The following CALCRL variants were observed in gnomAD, a reference collection of about 807,000 sequenced individuals.
The protein encoded by CALCRL is calcitonin receptor like receptor, also known as calcitonin gene-related peptide type 1 receptor.
In CALCRL, 27 loss-of-function variants were observed where a neutral mutation model predicts 60.4. That is an observed-to-expected ratio of 0.45 (90% confidence interval 0.33 to 0.62). CALCRL has a LOEUF of 0.62. Among genes scored for constraint, CALCRL ranks in the 20% least tolerant of loss-of-function variants. CALCRL has a pLI of 0.03. For missense variants in CALCRL, 424 were observed against 540.7 expected (o/e 0.78, Z 2.14); for synonymous variants, 190 against 182.6 (o/e 1.04, Z -0.33).
chr2:187,377,081 G>C (rs1446692250), intron 8 of CALCRL, among the ~76,000 whole-genome samples: 1 of 152,068 alleles, frequency 6.6e-6, no homozygotes, highest in Non-Finnish European at 1.5e-5. Context: ...GACTAGGGAG[G>C]AGGCAAAGAG....
Position 187,379,025 on chromosome 2 carries a change from G to T in CALCRL, c.415C>A (p.Leu139Ile), listed in dbSNP as rs1363394914. Reference sequence around the variant, plus strand: ...ATTATGGTCAGGTAAAACAAATTTAGTGCAGTCTGTAATTTGTATAAACAA... The same window carrying T: ...ATTATGGTCAGGTAAAACAAATTTATTGCAGTCTGTAATTTGTATAAACAA... ...VNTHEKVKTA[L>I]NLFYLTIIGH... is the part of the protein sequence containing the mutation. Residue 139 changes from leucine (L) to isoleucine (I), a missense_variant, in exon 8 of 15, where the codon CTA becomes ATA. Leu to Ile is a conservative substitution (Grantham distance 5). Coordinates refer to ENST00000392370, the MANE Select transcript of CALCRL (RefSeq NM_005795.6). The T allele has an allele frequency of 5.0e-6, 8 of 1,595,442 alleles. 1 individual carries two copies. In the South Asian group the frequency reaches 8.9e-5, roughly 18 times the overall value.
chr2:187,370,222 A>G (rs916374134), intron 8 of CALCRL, among the ~76,000 whole-genome samples: 2 of 152,104 alleles, frequency 1.3e-5, no homozygotes, highest in Non-Finnish European at 2.9e-5. Flanking sequence ...TTTCCTAAAT[A>G]CTAAAAATAT....
At chr2:187,430,947 C>A (rs1690379321) in intron 1 of CALCRL, among the ~76,000 whole-genome samples, 1 of 151,812 alleles carries the variant, frequency 6.6e-6, no homozygotes, top group South Asian at 2.1e-4. Flanking sequence ...TATATGATGT[C>A]TGTGGCTAAT....
rs543117140 is a variant in CALCRL at position 187,345,254 on chromosome 2, T to C, written c.*930A>G. Reference sequence around the variant, plus strand: ...GACTATAAAATAAAATAATGGAGTATTTACAAGCTCATTTTTCACAATTTC... The same window carrying C: ...GACTATAAAATAAAATAATGGAGTACTTACAAGCTCATTTTTCACAATTTC... On this transcript the variant is annotated 3_prime_UTR_variant, in exon 15 of 15. Coordinates refer to ENST00000392370, the MANE Select transcript of CALCRL (RefSeq NM_005795.6). 3 of 152,222 alleles carry C rather than the reference T, an allele frequency of 2.0e-5. No individual in the cohort carries two copies. Among genetic ancestry groups the C allele is most frequent in the Non-Finnish European group, 4.4e-5 (3 of 67,826 alleles). 9.4% of individuals were successfully genotyped at this position (152,222 alleles called of 1,614,324 possible). A position where few individuals can be genotyped will look rare whatever the true frequency, so the allele number is the denominator to read the frequency against.
intron 8 of CALCRL, among the ~76,000 whole-genome samples, chr2:187,374,426 G>GTTAC (rs142856772): frequency 0.041 from 6,267 of 152,108 alleles, 411 homozygotes; most frequent in African/African-American, 0.14. Context: ...TCTTGAAAAT[G>GTTAC]TTAATTAATT....
At chr2:187,411,127 A>G (rs957134952) in intron 1 of CALCRL, among the ~76,000 whole-genome samples, 5 of 152,098 alleles carry the variant, frequency 3.3e-5, no homozygotes, top group African/African-American at 1.2e-4. Context: ...TACCCTTTTT[A>G]CTTCTTGAAT....
intron 12 of CALCRL, among the ~76,000 whole-genome samples, chr2:187,356,640 G>A (rs192231605): frequency 7.0e-4 from 107 of 152,226 alleles, no homozygotes; most frequent in African/African-American, 2.5e-3. Flanking sequence ...GGCAACAAAA[G>A]CCAAAATTGA....
chr2:187,377,048 TA>T (rs1687786738), intron 8 of CALCRL, among the ~76,000 whole-genome samples: 1 of 152,072 alleles, frequency 6.6e-6, no homozygotes, highest in African/African-American at 2.4e-5. Context: ...AATTTAAATC[TA>T]AAAGATAAAT....
intron 12 of CALCRL, among the ~76,000 whole-genome samples, chr2:187,352,838 T>C (rs1489119299): frequency 3.3e-5 from 5 of 151,930 alleles, no homozygotes; most frequent in Non-Finnish European, 4.4e-5. Context: ...AACAATAATC[T>C]TTACAACACC....
chr2:187,419,940 C>T (rs1435674972), intron 1 of CALCRL, among the ~76,000 whole-genome samples: 1 of 152,094 alleles, frequency 6.6e-6, no homozygotes, highest in Admixed American at 6.5e-5. Flanking sequence ...ATATGCTAAT[C>T]TTTGTGGAAG....
intron 9 of CALCRL, among the ~76,000 whole-genome samples, chr2:187,361,200 C>T (rs935143391): frequency 6.6e-6 from 1 of 151,890 alleles, no homozygotes; most frequent in African/African-American, 2.4e-5. Flanking sequence ...ATTACATGCT[C>T]CTCATGCAAA....
chr2:187,352,222 G>A lies in CALCRL; in HGVS notation c.1020C>T (p.Ile340=). 6.2e-7 allele frequency: 1 copy of A among 1,612,272 alleles called. No homozygotes were observed. Among genetic ancestry groups the A allele is most frequent in the Non-Finnish European group, 8.5e-7 (1 of 1,178,854 alleles). Residue 340 remains isoleucine (I), a synonymous_variant, in exon 13 of 15, where the codon ATC becomes ATT. Transcript: ENST00000392370. ...ATTCAATGCCAAGCAATGGCACCAA[G>A]ATAAGAGTAGCTCTCACAGCTTTCA... ...LYMKAVRATL[I]LVPLLGIEFV... is the part of the protein sequence containing the mutation.
chr2:187,393,822 A>G (rs1688549431), intron 1 of CALCRL, among the ~76,000 whole-genome samples: 1 of 151,960 alleles, frequency 6.6e-6, no homozygotes, highest in African/African-American at 2.4e-5. Context: ...TTGCTTGGGG[A>G]CCAGGAACAA....
chr2:187,365,539 T>A, intron 8 of CALCRL, among the ~76,000 whole-genome samples: 1 of 152,202 alleles, frequency 6.6e-6, no homozygotes, highest in Non-Finnish European at 1.5e-5. Flanking sequence ...AGCACACATA[T>A]ATCTAAGTCC....
At position 187,376,899 on chromosome 2, in the gene CALCRL, T is replaced by C. The variant is rs371255010; in HGVS notation, c.500+2041A>G. 2.2e-3 allele frequency among the ~76,000 whole-genome samples: 331 copies of C among 152,234 alleles called. 4 individuals carry two copies. Among genetic ancestry groups the C allele is most frequent in the African/African-American group, 7.5e-3 (311 of 41,570 alleles). ...CATTTAATCTGAAGACTTTCAGCTG[T>C]ATTAGTTTTTAATTTGCAGAGATAG... On this transcript the variant is annotated intron_variant, in intron 8 of 14. Coordinates refer to ENST00000392370, the MANE Select transcript of CALCRL (RefSeq NM_005795.6).
chr2:187,447,085 T>A (rs1448233061), intron 1 of CALCRL, among the ~76,000 whole-genome samples: 1 of 152,104 alleles, frequency 6.6e-6, no homozygotes, highest in Non-Finnish European at 1.5e-5. Flanking sequence ...GTTTCTTAAA[T>A]TGTTCAGGAC....
In CALCRL at chr2:187,342,052, TG is replaced by T. The variant is rs1246700207; in HGVS notation, c.*4131del. ...ACAAATGAATAAATAAAATGTGGTATGTTCACCCAATGGAATAAAAGGAAAC... is the reference window on the plus strand; with the variant it reads ...ACAAATGAATAAATAAAATGTGGTATTTCACCCAATGGAATAAAAGGAAAC... On this transcript the variant is annotated 3_prime_UTR_variant, in exon 15 of 15. Transcript: ENST00000392370. Among the ~76,000 whole-genome samples, 3 of 151,872 alleles carry T rather than the reference TG, an allele frequency of 2.0e-5. No individual in the cohort carries two copies. Among genetic ancestry groups the T allele is most frequent in the African/African-American group, 7.2e-5 (3 of 41,422 alleles).
intron 1 of CALCRL, among the ~76,000 whole-genome samples, chr2:187,426,703 C>A (rs1690149880): frequency 6.6e-6 from 1 of 151,990 alleles, no homozygotes; most frequent in Admixed American, 6.6e-5. Context: ...TTACAACAAT[C>A]ATGTAAGGTA....
In CALCRL at chr2:187,441,067, G is replaced by A. The variant is rs554804505; in HGVS notation, c.-293+6972C>T. 9.2e-5 allele frequency among the ~76,000 whole-genome samples: 14 copies of A among 151,948 alleles called. No individual in the cohort carries two copies. In the East Asian group the frequency reaches 2.7e-3, roughly 29 times the overall value. ...ATCACTTTCTTTAACCTTGGTATTT[G>A]CAATGGAATTAGACACAAAAAAATA... On this transcript the variant is annotated intron_variant, in intron 1 of 14. Transcript: ENST00000392370.
Sources: allele counts gnomAD v4.1 joint callset (sites outside exome capture counted in the v4.1 genomes callset), GRCh38; gene constraint gnomAD v4.1.1; transcripts MANE v1.5; gene names NCBI Gene and HGNC (gene_info 2026-07-23, HGNC 2026-07-21).